The following NDRG1 variants were observed in gnomAD, a reference collection of about 807,000 sequenced individuals.
NDRG1 encodes the protein N-myc downstream regulated 1.
In NDRG1, 32 loss-of-function variants were observed where a neutral mutation model predicts 56.9. The ratio of observed to expected loss-of-function variants is 0.56; its 90% CI spans 0.42 to 0.76. The LOEUF (loss-of-function observed/expected upper bound fraction) is 0.76, where lower values mean the gene tolerates loss of function less well. Ranked by LOEUF, NDRG1 falls within the 30% of genes least tolerant of loss-of-function variation. The pLI is 0.00. For synonymous variants in NDRG1, 211 were observed against 204.1 expected (o/e 1.03, Z -0.29); for missense variants, 507 against 545.7 (o/e 0.93, Z 0.71).
chr8:133,282,067 G>C (rs1857838422), intron 2 of NDRG1, among the ~76,000 whole-genome samples: 1 of 152,204 alleles, frequency 6.6e-6, no homozygotes, highest in South Asian at 2.1e-4. Flanking sequence ...AACCTTGAAA[G>C]AAAGGGTAAA....
chr8:133,292,364 G>C (rs1858478629), intron 1 of NDRG1, among the ~76,000 whole-genome samples: 1 of 152,284 alleles, frequency 6.6e-6, no homozygotes, highest in Non-Finnish European at 1.5e-5. Flanking sequence ...TCTTGTCTAT[G>C]CAAGATGGTC....
At chr8:133,255,041 T>G in intron 8 of NDRG1, 1 of 332,748 alleles carries the variant, frequency 3.0e-6, no homozygotes, top group South Asian at 2.5e-5. Context: ...CCTTTCTAAG[T>G]ATACTGATAT....
At chr8:133,290,976 G>T (rs1858396703) in intron 1 of NDRG1, among the ~76,000 whole-genome samples, 1 of 152,156 alleles carries the variant, frequency 6.6e-6, no homozygotes, top group Non-Finnish European at 1.5e-5. Flanking sequence ...ACTTCCAAAG[G>T]CCACATGTCT....
Position 133,297,229 on chromosome 8 carries a change from C to T in NDRG1, c.-114G>A, listed in dbSNP as rs947322606. 1 of 152,256 alleles carries T rather than the reference C, an allele frequency of 6.6e-6. No homozygotes were observed. The highest frequency in any genetic ancestry group is 1.5e-5 in the Non-Finnish European group (1 of 68,086). 9.4% of individuals were successfully genotyped at this position (152,256 alleles called of 1,614,324 possible). On this transcript the variant is annotated 5_prime_UTR_variant, in exon 1 of 16. The change creates a new upstream start codon in the 5' untranslated region. Transcript: ENST00000323851. ...GATGGTGAACTGACGAGCTTCAGCACCAGCTGGGAGCCAGGCGAGGTTTGT... is the reference window on the plus strand; with the variant it reads ...GATGGTGAACTGACGAGCTTCAGCATCAGCTGGGAGCCAGGCGAGGTTTGT...
At chr8:133,285,819 C>CAGCT (rs1235166187) in intron 1 of NDRG1, among the ~76,000 whole-genome samples, 1 of 152,246 alleles carries the variant, frequency 6.6e-6, no homozygotes, top group African/African-American at 2.4e-5. Flanking sequence ...CATTCCTGGG[C>CAGCT]AGCTGCCAGC....
In NDRG1 at chr8:133,237,690, T is replaced by TGGCC; in HGVS notation, c.*1187_*1188insGGCC. 1 of 228,706 alleles carries TGGCC rather than the reference T, an allele frequency of 4.4e-6. No homozygotes were observed. Among genetic ancestry groups the TGGCC allele is most frequent in the Non-Finnish European group, 8.7e-6 (1 of 115,470 alleles). 14.2% of individuals were successfully genotyped at this position (228,706 alleles called of 1,614,324 possible). A position where few individuals can be genotyped will look rare whatever the true frequency, so the allele number is the denominator to read the frequency against. ...CTCAGCCACCGCTCCCCACGTGAGT[T>TGGCC]CCCACCCCCACCCCGACAAGAGCAA... On this transcript the variant is annotated 3_prime_UTR_variant, in exon 16 of 16. Transcript: ENST00000323851.
chr8:133,291,800 G>A (rs1858443046), intron 1 of NDRG1, among the ~76,000 whole-genome samples: 2 of 152,190 alleles, frequency 1.3e-5, no homozygotes, highest in Non-Finnish European at 1.5e-5. Flanking sequence ...CACTAAGAAG[G>A]TGAACCCCAC....
chr8:133,283,110 G>T (rs2130792333), intron 2 of NDRG1, among the ~76,000 whole-genome samples: 2 of 152,296 alleles, frequency 1.3e-5, no homozygotes, highest in South Asian at 4.1e-4. Flanking sequence ...CGCTGGCCTG[G>T]GTTTGATTCC....
At chr8:133,241,908 A>G (rs913644095) in intron 15 of NDRG1, 115 bp downstream of exon 15, 1 of 1,242,458 alleles carries the variant, frequency 8.0e-7, no homozygotes, top group Non-Finnish European at 1.2e-6. Flanking sequence ...CCTCCCAGAA[A>G]GCTGAAGCTG....
intron 15 of NDRG1, 94 bp downstream of exon 15, chr8:133,241,929 C>CAGGGGG: frequency 1.4e-6 from 2 of 1,438,970 alleles, no homozygotes; most frequent in Non-Finnish European, 2.0e-6. Flanking sequence ...GCCAGGGGGA[C>CAGGGGG]ACAGAATTGC....
intron 3 of NDRG1, among the ~76,000 whole-genome samples, chr8:133,269,982 G>A (rs72731569): frequency 0.16 from 23,602 of 152,270 alleles, 2,482 homozygotes; most frequent in African/African-American, 0.28. Flanking sequence ...GACATGAGAC[G>A]TCACCTCCTC....
chr8:133,249,056 C>T (rs545750309), intron 10 of NDRG1, among the ~76,000 whole-genome samples: 1 of 152,314 alleles, frequency 6.6e-6, no homozygotes, highest in Admixed American at 6.5e-5. Context: ...AGATTCTCCA[C>T]CATAGAGGGT....
chr8:133,296,412 T>G, intron 1 of NDRG1: 1 of 451,326 alleles, frequency 2.2e-6, no homozygotes. Flanking sequence ...GGGCGCACCC[T>G]GCCCAGTGGC....
intron 1 of NDRG1, among the ~76,000 whole-genome samples, chr8:133,290,276 C>T (rs1181630265): frequency 3.3e-5 from 5 of 152,180 alleles, no homozygotes; most frequent in Admixed American, 3.3e-4. Context: ...GTTCCGCCCA[C>T]CAGGAAGAGC....
intron 3 of NDRG1, among the ~76,000 whole-genome samples, chr8:133,271,214 G>T (rs1857170250): frequency 6.6e-6 from 1 of 152,168 alleles, no homozygotes; most frequent in South Asian, 2.1e-4. Context: ...TAAGTCAGTT[G>T]GTGGGCTTGG....
chr8:133,265,570 C>T (rs2929989), intron 3 of NDRG1, among the ~76,000 whole-genome samples: 122,680 of 152,038 alleles, frequency 0.81, 49,838 homozygotes, highest in East Asian at 1. Context: ...AGATGGTTCT[C>T]TGGGTCAAGG....
chr8:133,258,284 G>C, intron 7 of NDRG1, 82 bp downstream of exon 7: 1 of 1,447,116 alleles, frequency 6.9e-7, no homozygotes, highest in Non-Finnish European at 9.5e-7. Flanking sequence ...TCCCTTTTGG[G>C]TTTTTGATGC....
chr8:133,252,256 C>T (rs553699749), intron 9 of NDRG1, among the ~76,000 whole-genome samples: 42 of 152,178 alleles, frequency 2.8e-4, no homozygotes, highest in Non-Finnish European at 5.0e-4. Context: ...CCACCACATC[C>T]GGTTAATTTT....
chr8:133,247,962 G>C (rs745682550), intron 11 of NDRG1, 36 bp from the exon 12 acceptor site: 33 of 1,608,776 alleles, frequency 2.1e-5, no homozygotes, highest in Non-Finnish European at 2.7e-5. Context: ...TTAGCACAAG[G>C]TTCCTTTAAA....
Sources: allele counts gnomAD v4.1 joint callset (sites outside exome capture counted in the v4.1 genomes callset), GRCh38; gene constraint gnomAD v4.1.1; transcripts MANE v1.5; gene names NCBI Gene and HGNC (gene_info 2026-07-23, HGNC 2026-07-21).